SPPL3: variants seen among roughly 807,000 people sequenced by gnomAD.
The protein encoded by SPPL3 is signal peptide peptidase-like 3.
Under a neutral mutation model 42.4 loss-of-function variants are expected in SPPL3, and 5 were observed. That is an observed-to-expected ratio of 0.12 (90% CI 0.06 to 0.25). SPPL3 has a LOEUF of 0.25. Ranked by LOEUF, SPPL3 falls within the 10% of genes least tolerant of loss-of-function variation. The pLI is 1.00. For synonymous variants in SPPL3, 195 were observed against 181.8 expected (o/e 1.07, Z -0.58); for missense variants, 235 against 489.0 (o/e 0.48, Z 4.90).
chr12:120,789,634 G>T (rs1869845367), intron 3 of SPPL3, among the ~76,000 whole-genome samples: 1 of 150,990 alleles, frequency 6.6e-6, no homozygotes, highest in African/African-American at 2.4e-5. Context: ...AGACCAGCCT[G>T]GCCAACACTG....
rs1312275880 is a variant in SPPL3 at position 120,814,607 on chromosome 12, ATTAT to A, written c.24-3725_24-3722del. Among the ~76,000 whole-genome samples, 4 of 152,350 alleles carry A rather than the reference ATTAT, an allele frequency of 2.6e-5. No individual in the cohort carries two copies. In the East Asian group the frequency reaches 7.7e-4, roughly 29 times the overall value. ...GAACATTTTCTTAAAATTAAAAAAAATTATGACTAGGTTATATATTCATACAAAA... is the reference window on the plus strand; with the variant it reads ...GAACATTTTCTTAAAATTAAAAAAAAGACTAGGTTATATATTCATACAAAA... On this transcript the variant is annotated intron_variant, in intron 1 of 10. Transcript: ENST00000353487.
rs1456765743 is a variant in SPPL3, at chr12:120,764,243, A to C, written c.*756T>G. 1 of 152,412 alleles carries C rather than the reference A, an allele frequency of 6.6e-6. No homozygotes were observed. Among genetic ancestry groups the C allele is most frequent in the Non-Finnish European group, 1.5e-5 (1 of 68,044 alleles). 9.4% of individuals were successfully genotyped at this position (152,412 alleles called of 1,614,324 possible). ...TGCTCGACATGCTCAAAACGACAGC[A>C]AGCCCCTGTCAGCTACACAGCGTGA... On this transcript the variant is annotated 3_prime_UTR_variant, in exon 11 of 11. Coordinates refer to ENST00000353487, the MANE Select transcript of SPPL3 (RefSeq NM_139015.5).
At chr12:120,796,526 C>A (rs965096291) in intron 2 of SPPL3, among the ~76,000 whole-genome samples, 1 of 152,124 alleles carries the variant, frequency 6.6e-6, no homozygotes, top group East Asian at 1.9e-4. Flanking sequence ...CATCCTGGGT[C>A]ATGTTTTCCT....
intron 10 of SPPL3, among the ~76,000 whole-genome samples, chr12:120,765,558 G>GT (rs1566035480): frequency 6.6e-6 from 1 of 152,160 alleles, no homozygotes; most frequent in African/African-American, 2.4e-5. Context: ...GGTTACAGGC[G>GT]TGAGCCACCA....
intron 1 of SPPL3, among the ~76,000 whole-genome samples, chr12:120,819,356 C>G (rs1362342078): frequency 6.6e-6 from 1 of 152,180 alleles, no homozygotes; most frequent in Non-Finnish European, 1.5e-5. Context: ...AGTTATGCCG[C>G]TCTTCCAGAT....
At chr12:120,854,918 A>G (rs1490547892) in intron 1 of SPPL3, among the ~76,000 whole-genome samples, 1 of 152,194 alleles carries the variant, frequency 6.6e-6, no homozygotes, top group Non-Finnish European at 1.5e-5. Flanking sequence ...GACATTCAAG[A>G]TCACTATTTG....
At chr12:120,869,523 C>T (rs1264093742) in intron 1 of SPPL3, among the ~76,000 whole-genome samples, 2 of 152,154 alleles carry the variant, frequency 1.3e-5, no homozygotes, top group Admixed American at 6.5e-5. Context: ...ATGCCTGTAA[C>T]GACCTCTACT....
chr12:120,866,208 C>A (rs902405472), intron 1 of SPPL3, among the ~76,000 whole-genome samples: 2 of 152,140 alleles, frequency 1.3e-5, no homozygotes, highest in Non-Finnish European at 2.9e-5. Context: ...ACATCCTCCC[C>A]CTCCTCCCCA....
At chr12:120,866,893 CT>C (rs1365161282) in intron 1 of SPPL3, among the ~76,000 whole-genome samples, 1 of 152,180 alleles carries the variant, frequency 6.6e-6, no homozygotes, top group Non-Finnish European at 1.5e-5. Context: ...TGAATTTTGT[CT>C]TTAAACTCAG....
intron 6 of SPPL3, 141 bp from the exon 7 acceptor site, chr12:120,769,200 A>G: frequency 6.4e-6 from 4 of 622,114 alleles, no homozygotes; most frequent in South Asian, 2.0e-5. Context: ...AGAAACTTAC[A>G]TGCAACTGGT....
At chr12:120,858,019 AG>A (rs11339411) in intron 1 of SPPL3, among the ~76,000 whole-genome samples, 37,102 of 152,092 alleles carry the variant, frequency 0.24, 5,619 homozygotes, top group Non-Finnish European at 0.35. Context: ...AATGAACAAC[AG>A]GAAAGCACTG....
At chr12:120,825,761 T>C (rs572767216) in intron 1 of SPPL3, among the ~76,000 whole-genome samples, 3 of 152,246 alleles carry the variant, frequency 2.0e-5, no homozygotes, top group South Asian at 2.1e-4. Context: ...TTTTGGAAAA[T>C]CAGTCAGGCA....
At chr12:120,779,150 A>G (rs770071223) in intron 6 of SPPL3, among the ~76,000 whole-genome samples, 1 of 152,260 alleles carries the variant, frequency 6.6e-6, no homozygotes, top group Admixed American at 6.5e-5. Context: ...ACTTAAGATC[A>G]GTCATACAAA....
chr12:120,871,675 C>T (rs79743180), intron 1 of SPPL3, among the ~76,000 whole-genome samples: 5,498 of 152,140 alleles, frequency 0.036, 116 homozygotes, highest in South Asian at 0.067. Flanking sequence ...ATCACTTGAA[C>T]CTGCAAGGCG....
At chr12:120,886,971 G>A (rs1329325486) in intron 1 of SPPL3, among the ~76,000 whole-genome samples, 2 of 147,530 alleles carry the variant, frequency 1.4e-5, no homozygotes, top group Non-Finnish European at 3.1e-5. Flanking sequence ...TACCATCAGT[G>A]ATATAATAAT....
intron 1 of SPPL3, among the ~76,000 whole-genome samples, chr12:120,833,586 C>G (rs1278769044): frequency 6.9e-6 from 1 of 145,412 alleles, no homozygotes; most frequent in East Asian, 2.0e-4. Flanking sequence ...TTCCAGCCCT[C>G]TGGGAAGCTG....
intron 6 of SPPL3, among the ~76,000 whole-genome samples, chr12:120,777,443 T>TC (rs1869363018): frequency 6.6e-6 from 1 of 152,236 alleles, no homozygotes; most frequent in African/African-American, 2.4e-5. Context: ...ATGCATCACT[T>TC]CTTCCCTACT....
intron 2 of SPPL3, among the ~76,000 whole-genome samples, chr12:120,808,086 C>CTTTTTT (rs63135760): frequency 2.9e-4 from 39 of 132,758 alleles, no homozygotes; most frequent in African/African-American, 4.3e-4. Flanking sequence ...AGTTTCTTTT[C>CTTTTTT]TTTTTTTTTT....
chr12:120,897,428 A>G (rs1315725557), intron 1 of SPPL3, among the ~76,000 whole-genome samples: 1 of 152,240 alleles, frequency 6.6e-6, no homozygotes, highest in Admixed American at 6.5e-5. Flanking sequence ...TATGTTTTTA[A>G]AATAATGAGC....
Sources: allele counts gnomAD v4.1 joint callset (sites outside exome capture counted in the v4.1 genomes callset), GRCh38; gene constraint gnomAD v4.1.1; transcripts MANE v1.5; gene names NCBI Gene and HGNC (gene_info 2026-07-23, HGNC 2026-07-21).